Variants in LONRF3 observed in about 807,000 individuals in gnomAD.
LONRF3 encodes the protein LON peptidase N-terminal domain and ring finger 3, also known as LON peptidase N-terminal domain and RING finger protein 3.
LONRF3 carries 19 observed loss-of-function variants against 51.7 expected under a neutral mutation model. The ratio of observed to expected loss-of-function variants is 0.37; its 90% CI spans 0.26 to 0.54. The LOEUF (loss-of-function observed/expected upper bound fraction) is 0.54, where lower values mean the gene tolerates loss of function less well. Ranked by LOEUF, LONRF3 falls within the 20% of genes least tolerant of loss-of-function variation. The pLI is 0.86. For missense variants in LONRF3, 521 were observed against 623.9 expected, an observed-to-expected ratio of 0.84 and a Z score of 1.76; for synonymous variants, 265 against 257.8, an observed-to-expected ratio of 1.03 and a Z score of -0.27.
chrX:119,000,696 C>A (rs1459265453), intron 5 of LONRF3, among the ~76,000 whole-genome samples: 2 of 110,560 alleles, frequency 1.8e-5, no homozygotes, highest in Non-Finnish European at 3.8e-5. Flanking sequence ...TTTGTCAATT[C>A]TAACAAGAAG....
At chrX:119,007,240 G>A (rs1240351170) in intron 6 of LONRF3, among the ~76,000 whole-genome samples, 1 of 112,029 alleles carries the variant, frequency 8.9e-6, no homozygotes, top group Admixed American at 9.4e-5. Context: ...TCTAGGATTG[G>A]ACTAGGTAAG....
At chrX:118,986,542 T>C (rs773508565) in intron 3 of LONRF3, among the ~76,000 whole-genome samples, 1 of 112,235 alleles carries the variant, frequency 8.9e-6, no homozygotes, top group South Asian at 3.8e-4. Context: ...TCTCTGTCTC[T>C]TTCCTCCTAG....
At chrX:119,015,475 C>G (rs916027847) in intron 10 of LONRF3, among the ~76,000 whole-genome samples, 12 of 111,750 alleles carry the variant, frequency 1.1e-4, no homozygotes, top group Non-Finnish European at 2.3e-4. Flanking sequence ...GCTTCTTTCC[C>G]CCCCCATGCA....
At chrX:118,997,395 G>A (rs1317287894) in intron 5 of LONRF3, among the ~76,000 whole-genome samples, 1 of 112,156 alleles carries the variant, frequency 8.9e-6, no homozygotes, top group Non-Finnish European at 1.9e-5. Flanking sequence ...TCAACAAATG[G>A]TGCTGGGATA....
chrX:119,006,992 G>A (rs191145409), intron 6 of LONRF3, among the ~76,000 whole-genome samples: 47 of 112,173 alleles, frequency 4.2e-4, no homozygotes, highest in African/African-American at 1.2e-3. Flanking sequence ...CCAAAGTGCT[G>A]GGATTACAGG....
chrX:118,976,838 A>C (rs1163723875), intron 1 of LONRF3: 1 of 112,807 alleles, frequency 8.9e-6, no homozygotes, highest in East Asian at 2.8e-4. Flanking sequence ...AGGGCTGGGC[A>C]GGCAGGGCCC....
At position 118,989,687 on chromosome X, in the gene LONRF3, C is replaced by T. The variant is rs375247400; in HGVS notation, c.1324+15C>T. The stretch of plus-strand genomic sequence containing the variant: ...CTCCAAGCAAGGTACTGGCTCTACC[C>T]AGAGAGAAGGTAGCTTGGAGGAGAT... On this transcript the variant is annotated intron_variant, in intron 4 of 10. Coordinates refer to ENST00000371628, the MANE Select transcript of LONRF3 (RefSeq NM_001031855.3). 3 of 1,199,917 alleles carry T rather than the reference C, an allele frequency of 2.5e-6. No homozygotes were observed. In the East Asian group the frequency reaches 8.9e-5, roughly 36 times the overall value.
At chrX:119,012,068 A>C in intron 8 of LONRF3, 95 bp downstream of exon 8, 15 of 937,333 alleles carry the variant, frequency 1.6e-5, no homozygotes, top group South Asian at 2.3e-5. Context: ...GGCCTAGCTC[A>C]TGAGGTTTAG....
chrX:119,014,440 C>A, intron 10 of LONRF3, 84 bp downstream of exon 10: 1 of 856,405 alleles, frequency 1.2e-6, no homozygotes. Flanking sequence ...TATGTGGCTG[C>A]CATTCAGCAC....
chrX:118,975,433 AGCC>A lies in LONRF3; in HGVS notation c.665_667del (p.Pro222del), dbSNP rs773160878. ...CGTGGAGCCCGGCGGGCTGGGCAGC[AGCC>A]GCCGCCGCCGCTGCGAGTCAACGTG... On this transcript the variant is annotated inframe_deletion, in exon 1 of 11. Coordinates refer to ENST00000371628, the MANE Select transcript of LONRF3 (RefSeq NM_001031855.3). 1.5e-5 allele frequency: 18 copies of A among 1,184,769 alleles called. No individual in the cohort carries two copies. Among genetic ancestry groups the A allele is most frequent in the Middle Eastern group, 2.4e-4 (1 of 4,196 alleles).
At chrX:119,006,829 C>G (rs1466910430) in intron 6 of LONRF3, among the ~76,000 whole-genome samples, 1 of 111,089 alleles carries the variant, frequency 9.0e-6, no homozygotes, top group African/African-American at 3.3e-5. Flanking sequence ...ACCTCATGAT[C>G]CACCCGCCTC....
At chrX:118,993,359 C>T (rs939899296) in intron 5 of LONRF3, among the ~76,000 whole-genome samples, 1 of 111,607 alleles carries the variant, frequency 9.0e-6, no homozygotes, top group Non-Finnish European at 1.9e-5. Flanking sequence ...ACTTTGGACA[C>T]TCTTTTAAAA....
intron 3 of LONRF3, among the ~76,000 whole-genome samples, chrX:118,988,323 A>T (rs1046230788): frequency 8.9e-6 from 1 of 111,848 alleles, no homozygotes; most frequent in Non-Finnish European, 1.9e-5. Flanking sequence ...ATCTGAAAAG[A>T]AGAAAAACAG....
chrX:118,994,000 C>A (rs1181350159), intron 5 of LONRF3, among the ~76,000 whole-genome samples: 1 of 112,004 alleles, frequency 8.9e-6, no homozygotes, highest in Non-Finnish European at 1.9e-5. Flanking sequence ...AGCAAGCTAC[C>A]ACTACAAAAA....
intron 3 of LONRF3, chrX:118,987,001 C>G: frequency 8.7e-7 from 1 of 1,148,706 alleles, no homozygotes; most frequent in South Asian, 1.9e-5. Flanking sequence ...AAGCTGTTGG[C>G]ACCTCACCCT....
chrX:118,992,447 ATCC>A (rs1923499178), intron 5 of LONRF3, among the ~76,000 whole-genome samples: 1 of 110,379 alleles, frequency 9.1e-6, no homozygotes, highest in South Asian at 3.9e-4. Context: ...GGCAGCCATA[ATCC>A]TCCTAGGTAC....
At chrX:118,978,230 C>T in intron 1 of LONRF3, 115 bp from the exon 2 acceptor site, 1 of 501,166 alleles carries the variant, frequency 2.0e-6, no homozygotes, top group Non-Finnish European at 3.5e-6. Flanking sequence ...TTTTGATCTC[C>T]AGTAGAAAAG....
chrX:119,012,060 C>A, intron 8 of LONRF3, 87 bp downstream of exon 8: 1 of 988,300 alleles, frequency 1.0e-6, no homozygotes, highest in Non-Finnish European at 1.4e-6. Flanking sequence ...GACAGGGAGG[C>A]CTAGCTCATG....
At chrX:118,997,575 G>A (rs189777188) in intron 5 of LONRF3, among the ~76,000 whole-genome samples, 2 of 112,330 alleles carry the variant, frequency 1.8e-5, no homozygotes, top group African/African-American at 3.2e-5. Flanking sequence ...TTTCATGACC[G>A]AGAACCGAAA....
Sources: gnomAD v4.1 joint callset for allele counts (sites outside exome capture counted in the v4.1 genomes callset) on GRCh38, gnomAD v4.1.1 for gene constraint, MANE v1.5 for transcripts, NCBI Gene and HGNC (gene_info 2026-07-23, HGNC 2026-07-21) for gene names.